Variants in LYRM4 observed in about 807,000 individuals in gnomAD.
LYRM4 encodes LYR motif containing 4.
A neutral mutation model predicts 11.7 loss-of-function variants in LYRM4; 9 were observed. The ratio of observed to expected loss-of-function variants is 0.77; its 90% CI spans 0.46 to 1.34. LYRM4 has a LOEUF of 1.34. Among genes scored for constraint, LYRM4 ranks in the 40% most tolerant of loss-of-function variants. The pLI, the probability that LYRM4 is intolerant of heterozygous loss-of-function variation, is 0.00. For synonymous variants in LYRM4, 42 were observed against 40.4 expected, an observed-to-expected ratio of 1.04 and a Z score of -0.15; for missense variants, 133 against 112.5, an observed-to-expected ratio of 1.18 and a Z score of -0.82.
chr6:5,144,153 G>C (rs1282422032), intron 2 of LYRM4: 1 of 1,536,670 alleles, frequency 6.5e-7, no homozygotes, highest in Non-Finnish European at 8.7e-7. Context: ...CTGTGAGGAA[G>C]AGCAAACGTC....
At chr6:5,145,251 C>T (rs1757652758) in intron 2 of LYRM4, among the ~76,000 whole-genome samples, 1 of 152,206 alleles carries the variant, frequency 6.6e-6, no homozygotes, top group Non-Finnish European at 1.5e-5. Flanking sequence ...CCTGGTTTCT[C>T]ATTTAGAACA....
At chr6:5,172,617 C>T (rs1319262480) in intron 2 of LYRM4, among the ~76,000 whole-genome samples, 4 of 152,150 alleles carry the variant, frequency 2.6e-5, no homozygotes, top group South Asian at 2.1e-4. Flanking sequence ...CAAATGACTG[C>T]ACCTGGTCCA....
At chr6:5,033,932 C>T in the LYRM4 span, 4 of 152,306 alleles carry the variant, frequency 2.6e-5, no homozygotes, top group African/African-American at 7.2e-5. Context: ...CATCTGTTCC[C>T]GGCTGAGGTG....
At chr6:5,179,342 C>G (rs1456709713) in intron 2 of LYRM4, among the ~76,000 whole-genome samples, 1 of 152,110 alleles carries the variant, frequency 6.6e-6, no homozygotes, top group Non-Finnish European at 1.5e-5. Context: ...TCACCCCCAT[C>G]CAGCTCCAAA....
intron 1 of LYRM4, among the ~76,000 whole-genome samples, chr6:5,256,327 T>C (rs1303712218): frequency 2.6e-5 from 4 of 151,244 alleles, no homozygotes; most frequent in African/African-American, 9.7e-5. Context: ...CCGCCTCTAC[T>C]AAAAATACAG....
At chr6:5,063,323 C>G in the LYRM4 span, among the ~76,000 whole-genome samples, 3 of 151,940 alleles carry the variant, frequency 2.0e-5, no homozygotes, top group Admixed American at 6.6e-5. Flanking sequence ...CACTGTAGCC[C>G]TCAGGGAGGA....
At chr6:5,226,230 T>A (rs892791622) in intron 1 of LYRM4, among the ~76,000 whole-genome samples, 3 of 152,160 alleles carry the variant, frequency 2.0e-5, no homozygotes, top group Non-Finnish European at 2.9e-5. Flanking sequence ...TTGTGAGATT[T>A]AAAAAAATAT....
intron 2 of LYRM4, chr6:5,144,301 C>T: frequency 6.5e-7 from 1 of 1,536,252 alleles, no homozygotes; most frequent in Non-Finnish European, 8.7e-7. Flanking sequence ...TGAGGGCTAG[C>T]CTCAGTTTGG....
At chr6:5,235,244 G>A (rs73363074) in intron 1 of LYRM4, among the ~76,000 whole-genome samples, 13,719 of 152,020 alleles carry the variant, frequency 0.09, 771 homozygotes, top group African/African-American at 0.15. Flanking sequence ...CTGGGTTCAC[G>A]CAATTCTCCT....
chr6:5,068,596 C>T, the LYRM4 span, among the ~76,000 whole-genome samples: 1 of 152,092 alleles, frequency 6.6e-6, no homozygotes, highest in African/African-American at 2.4e-5. The surrounding 1 kb of genome is among the most constrained non-coding windows in gnomAD (Gnocchi z 4.0). Flanking sequence ...AATAGCACAC[C>T]CAGGGCCCAC....
In LYRM4 at chr6:5,151,084, ATTT is replaced by A. The variant is rs10599613; in HGVS notation, c.208-41596_208-41594del. 5.8e-3 allele frequency among the ~76,000 whole-genome samples: 790 copies of A among 136,730 alleles called. 4 individuals are homozygous for A. Among genetic ancestry groups the A allele is most frequent in the Non-Finnish European group, 8.3e-3 (525 of 63,322 alleles). The allele number at this position is 136,730 out of a possible 152,430, so 89.7% of individuals were successfully genotyped here. A position where few individuals can be genotyped will look rare whatever the true frequency, so the allele number is the denominator to read the frequency against. ...CCAAAATGCCTTTTGTTTGTTTTGA[ATTT>A]TTTTTTTTTTTTTTTGCAACGGAGT... is the stretch of plus-strand genomic sequence containing the variant. On this transcript the variant is annotated intron_variant, in intron 2 of 2. Transcript: ENST00000330636.
At chr6:5,213,545 G>C (rs924042720) in intron 2 of LYRM4, among the ~76,000 whole-genome samples, 1 of 152,194 alleles carries the variant, frequency 6.6e-6, no homozygotes, top group Admixed American at 6.5e-5. Flanking sequence ...ACCTGGGTGG[G>C]TGGGGCTTGG....
the LYRM4 span, chr6:5,085,770 G>A: frequency 2.1e-3 from 3,253 of 1,534,734 alleles, no homozygotes; most frequent in Non-Finnish European, 2.5e-3. Context: ...TCTTGCAGGC[G>A]GCCAAGTTCC....
At chr6:5,112,134 C>T (rs1004115043) in intron 2 of LYRM4, among the ~76,000 whole-genome samples, 1 of 152,172 alleles carries the variant, frequency 6.6e-6, no homozygotes. Context: ...CACCCGTTCG[C>T]TGCCTGCAGC....
intron 2 of LYRM4, among the ~76,000 whole-genome samples, chr6:5,192,455 G>A (rs1760811156): frequency 6.6e-6 from 1 of 152,238 alleles, no homozygotes; most frequent in Non-Finnish European, 1.5e-5. Context: ...GAGACATGTA[G>A]TAAGGCTCTG....
the LYRM4 span, among the ~76,000 whole-genome samples, chr6:5,097,431 T>A: frequency 8.9e-6 from 1 of 111,756 alleles, no homozygotes; most frequent in African/African-American, 3.1e-5. Context: ...GCAGCTAAAG[T>A]GATGGGCTAA....
At chr6:5,252,302 T>C (rs1379389410) in intron 1 of LYRM4, among the ~76,000 whole-genome samples, 4 of 152,280 alleles carry the variant, frequency 2.6e-5, no homozygotes, top group African/African-American at 9.6e-5. Flanking sequence ...GGCCTTCTAA[T>C]CCCATTCTGC....
At chr6:5,252,948 A>C (rs1764502572) in intron 1 of LYRM4, among the ~76,000 whole-genome samples, 1 of 152,146 alleles carries the variant, frequency 6.6e-6, no homozygotes, top group Non-Finnish European at 1.5e-5. Flanking sequence ...AGCCCTGTGT[A>C]AGGGCTTCCT....
chr6:5,203,343 A>G (rs939958217), intron 2 of LYRM4, among the ~76,000 whole-genome samples: 4 of 152,218 alleles, frequency 2.6e-5, no homozygotes, highest in African/African-American at 9.6e-5. Context: ...TGTATACAGT[A>G]GTCTGCTGCC....
Sources: allele counts gnomAD v4.1 joint callset (sites outside exome capture counted in the v4.1 genomes callset), GRCh38; gene constraint gnomAD v4.1.1; non-coding constraint Gnocchi (gnomAD v3.1); transcripts MANE v1.5; gene names NCBI Gene and HGNC (gene_info 2026-07-23, HGNC 2026-07-21).